The following MNAT1 variants were observed in gnomAD, a reference collection of about 807,000 sequenced individuals.
The protein encoded by MNAT1 is CDK-activating kinase assembly factor MAT1.
In MNAT1, 43 loss-of-function variants were observed where a neutral mutation model predicts 42.0. The observed-to-expected ratio is 1.02, with a 90% CI of 0.80 to 1.32. MNAT1 has a LOEUF of 1.32. Among genes scored for constraint, MNAT1 ranks in the 40% most tolerant of loss-of-function variants. The pLI, the probability that MNAT1 is intolerant of heterozygous loss-of-function variation, is 0.00. For synonymous variants in MNAT1, 118 were observed against 120.0 expected (o/e 0.98, Z 0.11); for missense variants, 306 against 350.4 (o/e 0.87, Z 1.01).
chr14:60,966,803 G>A (rs1365015763), intron 7 of MNAT1, among the ~76,000 whole-genome samples: 1 of 152,126 alleles, frequency 6.6e-6, no homozygotes, highest in Non-Finnish European at 1.5e-5. Context: ...GTGAGCCACT[G>A]TACCCAGCCA....
At chr14:60,950,625 CGTTAGT>C in intron 7 of MNAT1, among the ~76,000 whole-genome samples, 1 of 152,094 alleles carries the variant, frequency 6.6e-6, no homozygotes, top group Non-Finnish European at 1.5e-5. Context: ...TATTAGCTAT[CGTTAGT>C]GTTAGTGTAT....
chr14:60,799,469 T>A, intron 3 of MNAT1: 3 of 895,792 alleles, frequency 3.3e-6, no homozygotes, highest in South Asian at 1.0e-4. Flanking sequence ...AAAAGTAGCT[T>A]ACATATATTC....
chr14:60,907,530 G>C (rs1057377713), intron 7 of MNAT1, among the ~76,000 whole-genome samples: 1 of 150,940 alleles, frequency 6.6e-6, no homozygotes, highest in African/African-American at 2.4e-5. Context: ...ACATTTGAAA[G>C]TTCCTAGAAT....
chr14:60,918,217 T>TG (rs899639421), intron 7 of MNAT1, among the ~76,000 whole-genome samples: 4 of 114,640 alleles, frequency 3.5e-5, no homozygotes, highest in Non-Finnish European at 6.9e-5. Context: ...TTTTTTTTTT[T>TG]TTTTTTTTTG....
chr14:60,884,940 CT>C (rs2034629633), intron 7 of MNAT1, among the ~76,000 whole-genome samples: 1 of 151,922 alleles, frequency 6.6e-6, no homozygotes, highest in South Asian at 2.1e-4. Context: ...TTTGTTTCTC[CT>C]TCATGTTTGC....
At chr14:60,948,698 T>G (rs1220791413) in intron 7 of MNAT1, among the ~76,000 whole-genome samples, 2 of 152,186 alleles carry the variant, frequency 1.3e-5, no homozygotes, top group African/African-American at 4.8e-5. Context: ...GACTTATATC[T>G]CCTAGAAAAC....
intron 6 of MNAT1, among the ~76,000 whole-genome samples, chr14:60,860,493 C>T (rs1234393374): frequency 6.6e-6 from 1 of 151,544 alleles, no homozygotes; most frequent in Non-Finnish European, 1.5e-5. Flanking sequence ...GCTGGGACTA[C>T]AGGCACCCAC....
chr14:60,820,105 A>G (rs1401314061), intron 6 of MNAT1, among the ~76,000 whole-genome samples: 2 of 152,132 alleles, frequency 1.3e-5, no homozygotes, highest in East Asian at 3.8e-4. Flanking sequence ...CCTGCATTTC[A>G]AAGTCAGTGT....
At chr14:60,952,074 T>A (rs1320714841) in intron 7 of MNAT1, among the ~76,000 whole-genome samples, 4 of 152,202 alleles carry the variant, frequency 2.6e-5, no homozygotes, top group Non-Finnish European at 5.9e-5. Context: ...GAGTATTTTG[T>A]AGATCTAGGT....
chr14:60,766,022 A>G (rs2030800251), intron 1 of MNAT1, among the ~76,000 whole-genome samples: 2 of 152,200 alleles, frequency 1.3e-5, no homozygotes, highest in Non-Finnish European at 2.9e-5. Context: ...TTTTAAGAAG[A>G]TGATTTAGAT....
chr14:60,918,198 C>CTTTTTTTTTTT (rs386381525), intron 7 of MNAT1, among the ~76,000 whole-genome samples: 5 of 48,618 alleles, frequency 1.0e-4, no homozygotes, highest in Admixed American at 4.1e-4. Context: ...ATTAATTGTT[C>CTTTTTTTTTTT]TTTTTTTTTT....
chr14:60,922,604 G>T (rs891288441), intron 7 of MNAT1, among the ~76,000 whole-genome samples: 1 of 151,998 alleles, frequency 6.6e-6, no homozygotes, highest in South Asian at 2.1e-4. Flanking sequence ...GGAAATCAGG[G>T]ATCTCTACAG....
At chr14:60,881,989 G>A (rs757745737) in intron 7 of MNAT1, among the ~76,000 whole-genome samples, 3 of 151,822 alleles carry the variant, frequency 2.0e-5, no homozygotes, top group African/African-American at 2.4e-5. Flanking sequence ...ATGAAACCCC[G>A]ACTCTACTAA....
At chr14:60,794,177 AG>A (rs1389237476) in intron 1 of MNAT1, among the ~76,000 whole-genome samples, 2 of 152,136 alleles carry the variant, frequency 1.3e-5, no homozygotes, top group African/African-American at 4.8e-5. Context: ...ATCTTTAGTT[AG>A]TATAGTTGTA....
chr14:60,832,108 A>T (rs2033243108), intron 6 of MNAT1, among the ~76,000 whole-genome samples: 1 of 151,748 alleles, frequency 6.6e-6, no homozygotes, highest in Non-Finnish European at 1.5e-5. Context: ...GATTGCAAAA[A>T]TTTTCTCCCA....
At position 60,896,940 on chromosome 14, in the gene MNAT1, G is replaced by A. The variant is rs113024759; in HGVS notation, c.809+17105G>A. Among the ~76,000 whole-genome samples the A allele has an allele frequency of 1.9e-3, 296 of 152,094 alleles. 2 individuals carry two copies. Among genetic ancestry groups the A allele is most frequent in the Middle Eastern group, 0.01 (3 of 294 alleles). On this transcript the variant is annotated intron_variant, in intron 7 of 7. Coordinates refer to ENST00000261245, the MANE Select transcript of MNAT1 (RefSeq NM_002431.4). ...TTTATTTCTTTCATGTACTCCAGCA[G>A]ATAAAGATAATGTACCTTCTGAACC...
chr14:60,838,609 G>C (rs1162741146), intron 6 of MNAT1, among the ~76,000 whole-genome samples: 3 of 152,200 alleles, frequency 2.0e-5, no homozygotes, highest in Non-Finnish European at 4.4e-5. Flanking sequence ...GGTATGGCTG[G>C]CGCTGCCCTG....
intron 7 of MNAT1, among the ~76,000 whole-genome samples, chr14:60,944,144 G>A (rs1198971589): frequency 2.0e-5 from 3 of 152,204 alleles, no homozygotes; most frequent in Non-Finnish European, 2.9e-5. Context: ...TTAACTAGTA[G>A]AGGAGGTAGA....
chr14:60,873,694 C>A (rs894446995), intron 6 of MNAT1, among the ~76,000 whole-genome samples: 1 of 149,158 alleles, frequency 6.7e-6, no homozygotes, highest in Non-Finnish European at 1.5e-5. Flanking sequence ...TGGTCTCAAG[C>A]ACCTGGGCTC....
Sources: allele counts gnomAD v4.1 joint callset (sites outside exome capture counted in the v4.1 genomes callset), GRCh38; gene constraint gnomAD v4.1.1; transcripts MANE v1.5; gene names NCBI Gene and HGNC (gene_info 2026-07-23, HGNC 2026-07-21).